Variants in ANKS1B observed in about 807,000 individuals in gnomAD.
ANKS1B encodes the protein ankyrin repeat and sterile alpha motif domain containing 1B, also known as ankyrin repeat and sterile alpha motif domain-containing protein 1B.
ANKS1B carries 36 observed loss-of-function variants against 148.3 expected under a neutral mutation model. The observed-to-expected ratio is 0.24, with a 90% confidence interval of 0.19 to 0.32. The LOEUF (loss-of-function observed/expected upper bound fraction) is 0.32. Ranked by LOEUF, ANKS1B falls within the 10% of genes least tolerant of loss-of-function variation. The pLI is 1.00. For synonymous variants in ANKS1B, 542 were observed against 560.8 expected (o/e 0.97, Z 0.47); for missense variants, 1,157 against 1,542.6 (o/e 0.75, Z 4.19).
intron 14 of ANKS1B, among the ~76,000 whole-genome samples, chr12:99,209,819 T>G (rs571566188): frequency 6.6e-6 from 1 of 152,144 alleles, no homozygotes; most frequent in South Asian, 2.1e-4. Context: ...AAATAACATC[T>G]CTGACCAAAA....
intron 17 of ANKS1B, among the ~76,000 whole-genome samples, chr12:98,970,462 C>T (rs1452044304): frequency 6.6e-6 from 1 of 152,210 alleles, no homozygotes; most frequent in Non-Finnish European, 1.5e-5. Flanking sequence ...AATATCTGTT[C>T]AGTGACTGCC....
intron 17 of ANKS1B, among the ~76,000 whole-genome samples, chr12:98,923,987 T>C (rs1000772574): frequency 1.3e-5 from 2 of 152,246 alleles, no homozygotes; most frequent in African/African-American, 4.8e-5. Context: ...TCCTGTTCAA[T>C]TCCCACTTGG....
At chr12:98,758,911 G>A (rs1435307686) in intron 25 of ANKS1B, among the ~76,000 whole-genome samples, 1 of 150,706 alleles carries the variant, frequency 6.6e-6, no homozygotes. Flanking sequence ...CTCCTGAGTG[G>A]CTGGGATTAT....
chr12:99,704,666 A>G (rs1367312056), intron 8 of ANKS1B, among the ~76,000 whole-genome samples: 5 of 152,112 alleles, frequency 3.3e-5, no homozygotes, highest in African/African-American at 1.2e-4. Context: ...GCATCACAAA[A>G]TGAGGCTCTC....
intron 8 of ANKS1B, among the ~76,000 whole-genome samples, chr12:99,710,178 G>A (rs2056429728): frequency 6.6e-6 from 1 of 152,044 alleles, no homozygotes; most frequent in African/African-American, 2.4e-5. Flanking sequence ...TGCTACAATG[G>A]GAAAACATCT....
intron 17 of ANKS1B, among the ~76,000 whole-genome samples, chr12:99,028,285 T>A (rs1444750040): frequency 6.6e-6 from 1 of 152,220 alleles, no homozygotes; most frequent in Admixed American, 6.5e-5. Context: ...CTGAATTTTA[T>A]TTTCTATTGT....
chr12:99,686,908 T>C (rs905613958), intron 8 of ANKS1B, among the ~76,000 whole-genome samples: 5 of 152,188 alleles, frequency 3.3e-5, no homozygotes, highest in African/African-American at 7.2e-5. Flanking sequence ...CTCTTACATT[T>C]ATGCACCTAT....
chr12:99,423,676 T>C (rs944090794), intron 11 of ANKS1B, among the ~76,000 whole-genome samples: 6 of 152,132 alleles, frequency 3.9e-5, no homozygotes, highest in East Asian at 1.9e-4. Context: ...AATGAGATCA[T>C]GTCCTTTGCA....
chr12:99,563,389 A>G (rs1282087068), intron 9 of ANKS1B, among the ~76,000 whole-genome samples: 1 of 152,328 alleles, frequency 6.6e-6, no homozygotes, highest in East Asian at 1.9e-4. Context: ...TGAACACTTA[A>G]GAGCCCATTG....
intron 12 of ANKS1B, among the ~76,000 whole-genome samples, chr12:99,340,691 C>T (rs2089765412): frequency 6.6e-6 from 1 of 151,828 alleles, no homozygotes; most frequent in Admixed American, 6.6e-5. Flanking sequence ...CCAAACATTG[C>T]TATGTGACAA....
At chr12:99,033,747 G>T (rs2099953784) in intron 17 of ANKS1B, among the ~76,000 whole-genome samples, 1 of 152,086 alleles carries the variant, frequency 6.6e-6, no homozygotes, top group African/African-American at 2.4e-5. Context: ...ACACATTGCT[G>T]GTAATAATCA....
At chr12:99,171,880 G>T (rs919612931) in intron 14 of ANKS1B, among the ~76,000 whole-genome samples, 10 of 152,106 alleles carry the variant, frequency 6.6e-5, no homozygotes, top group African/African-American at 2.4e-4. Flanking sequence ...GTTAGGACCA[G>T]GGAGGAAAGG....
chr12:99,308,975 C>G lies in ANKS1B; in HGVS notation c.1757-62111G>C, dbSNP rs189803223. 4.1e-3 allele frequency among the ~76,000 whole-genome samples: 616 copies of G among 150,350 alleles called. 5 individuals are homozygous for G. Among genetic ancestry groups the G allele is most frequent in the Non-Finnish European group, 4.2e-3 (283 of 67,510 alleles). On this transcript the variant is annotated intron_variant, in intron 12 of 26. Transcript: ENST00000683438. ...ATATAACATATATATAACATATACA[C>G]TGTATGTAATAGATGTGTATACTAC...
chr12:99,468,726 A>C (rs1318075774), intron 10 of ANKS1B, among the ~76,000 whole-genome samples: 7 of 152,218 alleles, frequency 4.6e-5, no homozygotes, highest in African/African-American at 1.7e-4. Flanking sequence ...AATGCAAATC[A>C]AAACCACAAT....
chr12:98,893,154 T>C (rs2099756219), intron 17 of ANKS1B, among the ~76,000 whole-genome samples: 1 of 152,246 alleles, frequency 6.6e-6, no homozygotes, highest in African/African-American at 2.4e-5. Context: ...ATTTCATTTG[T>C]ATTCGTTACT....
intron 12 of ANKS1B, among the ~76,000 whole-genome samples, chr12:99,324,002 C>T (rs1449338959): frequency 6.6e-6 from 1 of 152,032 alleles, no homozygotes; most frequent in Non-Finnish European, 1.5e-5. Flanking sequence ...TTGCAATATC[C>T]ACACATAATT....
chr12:99,040,346 C>T (rs574484396), intron 17 of ANKS1B, among the ~76,000 whole-genome samples: 1 of 152,074 alleles, frequency 6.6e-6, no homozygotes, highest in East Asian at 1.9e-4. Context: ...ATAAGTTGCA[C>T]CCCTGTTCGT....
At chr12:99,853,151 G>C (rs1385813460) in intron 1 of ANKS1B, among the ~76,000 whole-genome samples, 1 of 152,018 alleles carries the variant, frequency 6.6e-6, no homozygotes, top group African/African-American at 2.4e-5. Flanking sequence ...CTAAAAAAAA[G>C]GACAATCTCT....
In ANKS1B at chr12:99,003,920, C is replaced by T. The variant is rs191897086; in HGVS notation, c.2778+49237G>A. The stretch of plus-strand genomic sequence containing the variant: ...ATTTTACTTTCCCACTCTCATGCTG[C>T]TGGGGGATGGTCAAAGGACACAGAC... On this transcript the variant is annotated intron_variant, in intron 17 of 26. Transcript: ENST00000683438. 2.5e-4 allele frequency among the ~76,000 whole-genome samples: 38 copies of T among 152,000 alleles called. 1 individual carries two copies. The highest frequency in any genetic ancestry group is 2.0e-3 in the Admixed American group (30 of 15,300).
Sources: allele counts gnomAD v4.1 joint callset (sites outside exome capture counted in the v4.1 genomes callset), GRCh38; gene constraint gnomAD v4.1.1; transcripts MANE v1.5; gene names NCBI Gene and HGNC (gene_info 2026-07-23, HGNC 2026-07-21).